The following MCM3 variants were observed in gnomAD, a reference collection of about 807,000 sequenced individuals.
The protein encoded by MCM3 is minichromosome maintenance complex component 3.
Under a neutral mutation model 91.3 loss-of-function variants are expected in MCM3, and 59 were observed. The observed-to-expected ratio is 0.65, with a 90% CI of 0.52 to 0.80. The LOEUF is 0.80. Ranked by LOEUF, MCM3 falls within the 30% of genes least tolerant of loss-of-function variation. MCM3 has a pLI of 0.00. For missense variants in MCM3, 919 were observed against 1,035.4 expected (o/e 0.89, Z 1.54); for synonymous variants, 383 against 379.6 (o/e 1.01, Z -0.10).
chr6:52,273,141 A>G (rs1005631937), intron 11 of MCM3, 89 bp downstream of exon 11: 2 of 1,503,792 alleles, frequency 1.3e-6, no homozygotes, highest in East Asian at 2.3e-5. Flanking sequence ...ACCTGGGCAT[A>G]TAAGGCCTTA....
chr6:52,265,250 G>T, intron 16 of MCM3: 1 of 426,444 alleles, frequency 2.3e-6, no homozygotes. Flanking sequence ...AAACCCTGCA[G>T]TCATTAAAAA....
intron 4 of MCM3, among the ~76,000 whole-genome samples, chr6:52,281,383 A>G (rs965763301): frequency 2.6e-5 from 4 of 152,226 alleles, no homozygotes; most frequent in African/African-American, 4.8e-5. Flanking sequence ...TAAAAAAATA[A>G]TAAGAGTTGT....
chr6:52,269,053 G>A, intron 13 of MCM3, 33 bp downstream of exon 13: 1 of 1,595,416 alleles, frequency 6.3e-7, no homozygotes, highest in Admixed American at 1.7e-5. Flanking sequence ...ATATCCAGGA[G>A]ATCCTCTCAT....
chr6:52,278,820 C>T lies in MCM3; in HGVS notation c.801G>A (p.Gln267=). ...AAGAGGGCTGAGCATCCTTGCTCATCTGCTTAACATTACAGGCAATCAGGA... is the reference window on the plus strand; with the variant it reads ...AAGAGGGCTGAGCATCCTTGCTCATTTGCTTAACATTACAGGCAATCAGGA... The part of the protein sequence containing the change: ...RTVLIACNVK[Q]MSKDAQPSFS... Residue 267 remains glutamine (Q), a synonymous_variant, in exon 6 of 17, where the codon CAG becomes CAA. Transcript: ENST00000596288. 6.2e-7 allele frequency: 1 copy of T among 1,613,940 alleles called. No homozygotes were observed. The highest frequency in any genetic ancestry group is 8.5e-7 in the Non-Finnish European group (1 of 1,179,864).
chr6:52,276,927 C>A (rs949982648), intron 8 of MCM3, 140 bp downstream of exon 8: 2 of 910,456 alleles, frequency 2.2e-6, no homozygotes, highest in Admixed American at 2.5e-5. Context: ...AATTCACCCA[C>A]CATTGCTGAA....
intron 6 of MCM3, among the ~76,000 whole-genome samples, chr6:52,278,479 G>A (rs929576211): frequency 6.6e-6 from 1 of 152,172 alleles, no homozygotes; most frequent in Admixed American, 6.5e-5. Flanking sequence ...TGGTACACGG[G>A]CAAGTTAACA....
At chr6:52,279,676 T>TA in intron 4 of MCM3, 77 bp from the exon 5 acceptor site, 1 of 1,058,348 alleles carries the variant, frequency 9.4e-7, no homozygotes, top group South Asian at 1.5e-5. Context: ...TCATGGCAAA[T>TA]AAGATGACTT....
intron 11 of MCM3, 90 bp from the exon 12 acceptor site, chr6:52,272,541 A>G: frequency 6.8e-7 from 1 of 1,478,234 alleles, no homozygotes; most frequent in African/African-American, 1.4e-5. Context: ...AGCCAGGGTC[A>G]AAACAAAGCC....
intron 10 of MCM3, 50 bp from the exon 11 acceptor site, chr6:52,273,406 G>C (rs779510677): frequency 6.3e-7 from 1 of 1,595,606 alleles, no homozygotes; most frequent in Non-Finnish European, 8.6e-7. Context: ...GTTTAACCCA[G>C]GGGAAATTGC....
intron 12 of MCM3, among the ~76,000 whole-genome samples, chr6:52,269,439 G>A (rs1308074380): frequency 6.6e-6 from 1 of 152,176 alleles, no homozygotes; most frequent in Non-Finnish European, 1.5e-5. Context: ...CAGGAAGGAG[G>A]AGCAAGTGAA....
At chr6:52,276,649 A>C (rs986874111) in intron 8 of MCM3, among the ~76,000 whole-genome samples, 173 bp from the exon 9 acceptor site, 2 of 152,010 alleles carry the variant, frequency 1.3e-5, no homozygotes, top group Non-Finnish European at 2.9e-5. Context: ...TTTCAGCTCT[A>C]ATCTAAATAT....
At chr6:52,284,516 T>C in intron 1 of MCM3, 81 bp downstream of exon 1, 1 of 1,339,816 alleles carries the variant, frequency 7.5e-7, no homozygotes, top group Non-Finnish European at 1.0e-6. Flanking sequence ...TCTGGAGGTC[T>C]GGCGGGCCTC....
At chr6:52,274,922 ATTTAT>A (rs1052481808) in intron 9 of MCM3, among the ~76,000 whole-genome samples, 4 of 152,050 alleles carry the variant, frequency 2.6e-5, no homozygotes, top group African/African-American at 4.8e-5. Flanking sequence ...ATACATTATC[ATTTAT>A]TTTATTTTAT....
In MCM3 at chr6:52,272,409, A is replaced by T. The variant is rs752087040; in HGVS notation, c.1719T>A (p.His573Gln). 1 of 1,614,050 alleles carries T rather than the reference A, an allele frequency of 6.2e-7. No individual in the cohort carries two copies. The highest frequency in any genetic ancestry group is 1.7e-5 in the Admixed American group (1 of 60,006). Residue 573 changes from histidine (H) to glutamine (Q), a missense_variant, in exon 12 of 17, where the codon CAT (histidine) becomes CAA (glutamine). Around this residue, in one of 3 missense-constraint regions of MCM3, gnomAD observed 285 missense variants for 311.4 expected, o/e 0.92. Coordinates refer to ENST00000596288, the MANE Select transcript of MCM3 (RefSeq NM_002388.6). ...GGACAGGCTTGATGATTTTGGCCAC[A>T]TGGATGTACTTCTTCATGAATGCTG... ...VSAAFMKKYIHVAKIIKPVLT... is the reference protein window; with the variant it reads ...VSAAFMKKYIQVAKIIKPVLT...
chr6:52,283,150 A>G (rs1192514893), intron 2 of MCM3, 144 bp downstream of exon 2: 1 of 664,240 alleles, frequency 1.5e-6, no homozygotes, highest in African/African-American at 1.8e-5. Flanking sequence ...AAAAAAAAAA[A>G]AAAAAAATAG....
intron 6 of MCM3, 96 bp from the exon 7 acceptor site, chr6:52,277,784 G>A (rs13191372): frequency 0.39 from 458,518 of 1,161,596 alleles, 95,450 homozygotes; most frequent in South Asian, 0.44. Flanking sequence ...AATACTTGAA[G>A]AGGGCCAGGC....
In MCM3 at chr6:52,279,516, C is replaced by G. The variant is rs766640213; in HGVS notation, c.615G>C (p.Pro205=). The G allele has an allele frequency of 1.9e-6, 3 of 1,614,026 alleles. No homozygotes were observed. In the East Asian group the frequency reaches 6.7e-5, roughly 36 times the overall value. ...GGAGCTGGCCGGCTGGGGCCTTCTCCGGCATCTCCTGGATGGTGATGGTCT... is the reference window on the plus strand; with the variant it reads ...GGAGCTGGCCGGCTGGGGCCTTCTCGGGCATCTCCTGGATGGTGATGGTCT... ...DHQTITIQEM[P]EKAPAGQLPR... The change falls in exon 5 of 17, where the codon CCG becomes CCC. Residue 205 remains proline, a synonymous_variant. Coordinates refer to ENST00000596288, the MANE Select transcript of MCM3 (RefSeq NM_002388.6).
intron 16 of MCM3, chr6:52,265,270 CA>C: frequency 2.3e-6 from 1 of 437,688 alleles, no homozygotes; most frequent in Non-Finnish European, 4.6e-6. Context: ...AGAATGAGAT[CA>C]AACAAGCACA....
At chr6:52,284,257 C>T (rs1766437462) in intron 1 of MCM3, among the ~76,000 whole-genome samples, 1 of 152,188 alleles carries the variant, frequency 6.6e-6, no homozygotes, top group Non-Finnish European at 1.5e-5. Context: ...TAGGGCAGCC[C>T]CTCCCCCACA....
Sources: allele counts gnomAD v4.1 joint callset (sites outside exome capture counted in the v4.1 genomes callset), GRCh38; gene constraint gnomAD v4.1.1; regional missense constraint gnomAD v4.1.1; transcripts MANE v1.5; gene names NCBI Gene and HGNC (gene_info 2026-07-23, HGNC 2026-07-21).